The following C11orf58 variants were observed in gnomAD, a reference collection of about 807,000 sequenced individuals.
C11orf58 encodes the protein small acidic protein.
C11orf58 carries 5 observed loss-of-function variants against 22.7 expected under a neutral mutation model. The observed-to-expected ratio is 0.22, with a 90% CI of 0.12 to 0.46. The LOEUF is 0.46. Ranked by LOEUF, C11orf58 falls within the 20% of genes least tolerant of loss-of-function variation. C11orf58 has a pLI of 0.99. For missense variants in C11orf58, 151 were observed against 223.3 expected (o/e 0.68, Z 2.06); for synonymous variants, 71 against 70.7 (o/e 1.00, Z -0.02).
chr11:16,741,855 TC>T (rs1416905357), intron 1 of C11orf58, among the ~76,000 whole-genome samples: 1 of 152,216 alleles, frequency 6.6e-6, no homozygotes, highest in Non-Finnish European at 1.5e-5. Context: ...GCTCAAAGCT[TC>T]CATTGAGTCT....
intron 1 of C11orf58, 95 bp from the exon 2 acceptor site, chr11:16,744,506 C>A: frequency 2.2e-6 from 2 of 920,534 alleles, no homozygotes; most frequent in Non-Finnish European, 1.7e-6. Context: ...TTACAACTGA[C>A]AGGGGAAAAA....
rs745932818 is a variant in C11orf58, at chr11:16,752,763, CTAAAG to C, written c.209-19_209-15del. 8.6e-6 allele frequency: 13 copies of C among 1,518,978 alleles called. No homozygotes were observed. In the Admixed American group the frequency reaches 2.3e-4, roughly 27 times the overall value. 94.1% of individuals were successfully genotyped at this position (1,518,978 alleles called of 1,614,324 possible). On this transcript the variant is annotated splice_polypyrimidine_tract_variant and intron_variant, in intron 3 of 4. Transcript: ENST00000228136. ...AATTATTAATTTGACTGAAACATAA[CTAAAG>C]TATCCTGGACATGCAGGGGAAGAAG...
At chr11:16,749,229 A>G (rs954142999) in intron 3 of C11orf58, 11 of 152,246 alleles carry the variant, frequency 7.2e-5, no homozygotes, top group African/African-American at 2.7e-4. Flanking sequence ...GCACATATTA[A>G]TAAAAGACAC....
At position 16,758,015 on chromosome 11, in the gene C11orf58, C is replaced by T. The variant is rs1297010995; in HGVS notation, c.*2911C>T. Among the ~76,000 whole-genome samples, 1 of 152,296 alleles carries T rather than the reference C, an allele frequency of 6.6e-6. No homozygotes were observed. The highest frequency in any genetic ancestry group is 1.5e-5 in the Non-Finnish European group (1 of 68,024). The stretch of plus-strand genomic sequence containing the variant: ...CTACTTACACACAGGGCTTTGGTTC[C>T]ATTACTTGTTTCCACCACAGCCACA... On this transcript the variant is annotated 3_prime_UTR_variant, in exon 5 of 5. Coordinates refer to ENST00000228136, the MANE Select transcript of C11orf58 (RefSeq NM_014267.6).
At chr11:16,754,592 C>G (rs560775482) in intron 4 of C11orf58, among the ~76,000 whole-genome samples, 1 of 65,038 alleles carries the variant, frequency 1.5e-5, no homozygotes, top group African/African-American at 5.7e-5. Flanking sequence ...TTTTAAGAGA[C>G]AGGGTCTCAC....
intron 1 of C11orf58, among the ~76,000 whole-genome samples, chr11:16,742,191 C>T (rs1311924838): frequency 4.6e-5 from 7 of 152,254 alleles, no homozygotes; most frequent in Admixed American, 2.0e-4. Context: ...TTGGTTTTTA[C>T]ACAATTTTTT....
At position 16,738,692 on chromosome 11, in the gene C11orf58, G is replaced by T; in HGVS notation, c.-87G>T. 4.2e-6 allele frequency: 6 copies of T among 1,438,040 alleles called. No homozygotes were observed. Among genetic ancestry groups the T allele is most frequent in the Non-Finnish European group, 5.9e-6 (6 of 1,022,502 alleles). 89.1% of individuals were successfully genotyped at this position (1,438,040 alleles called of 1,614,324 possible). A position where few individuals can be genotyped will look rare whatever the true frequency, so the allele number is the denominator to read the frequency against. On this transcript the variant is annotated 5_prime_UTR_variant, in exon 1 of 5. Transcript: ENST00000228136. Reference sequence around the variant, plus strand: ...CTGCGTTCTGTAGTGGCGCTGCTTGGGCCCTTGGCGGATTGTAAGCTGCTG... The same window carrying T: ...CTGCGTTCTGTAGTGGCGCTGCTTGTGCCCTTGGCGGATTGTAAGCTGCTG...
intron 2 of C11orf58, 159 bp from the exon 3 acceptor site, chr11:16,747,938 C>T: frequency 1.7e-6 from 1 of 590,528 alleles, no homozygotes; most frequent in South Asian, 1.9e-5. Context: ...CCATTCCTAC[C>T]CTTGCTAGAA....
intron 1 of C11orf58, among the ~76,000 whole-genome samples, chr11:16,742,627 G>A (rs1022926387): frequency 6.6e-6 from 1 of 152,134 alleles, no homozygotes; most frequent in Non-Finnish European, 1.5e-5. Context: ...ATGGGTCCAG[G>A]TTGGTACAAA....
At chr11:16,745,475 TAAAG>T (rs775667475) in intron 2 of C11orf58, among the ~76,000 whole-genome samples, 7 of 152,108 alleles carry the variant, frequency 4.6e-5, no homozygotes, top group Non-Finnish European at 8.8e-5. Context: ...ATTCTTACAA[TAAAG>T]AAAAGGAAAT....
At chr11:16,752,440 T>C (rs1183045702) in intron 3 of C11orf58, 5 of 161,196 alleles carry the variant, frequency 3.1e-5, no homozygotes, top group African/African-American at 1.2e-4. Context: ...TGAACAGAAG[T>C]GCCTAGCTTT....
In C11orf58 at chr11:16,754,981, G is replaced by A. The variant is rs1446924535; in HGVS notation, c.429G>A (p.Glu143=). The A allele has an allele frequency of 6.2e-7, 1 of 1,614,142 alleles. No individual in the cohort carries two copies. Among genetic ancestry groups the A allele is most frequent in the Non-Finnish European group, 8.5e-7 (1 of 1,180,024 alleles). The change falls in exon 5 of 5, where the codon GAG becomes GAA. Residue 143 remains glutamate, a synonymous_variant. Coordinates refer to ENST00000228136, the MANE Select transcript of C11orf58 (RefSeq NM_014267.6). ...PDDSESDSES[E]KEESAEELQA... is the part of the protein sequence containing the mutation. ...ATTCTGAAAGCGATTCAGAGTCAGAGAAAGAAGAATCTGCTGAAGAACTCC... is the reference window on the plus strand; with the variant it reads ...ATTCTGAAAGCGATTCAGAGTCAGAAAAAGAAGAATCTGCTGAAGAACTCC...
In C11orf58 at chr11:16,756,549, G is replaced by A. The variant is rs1432700714; in HGVS notation, c.*1445G>A. On this transcript the variant is annotated 3_prime_UTR_variant, in exon 5 of 5. Transcript: ENST00000228136. ...CTCCCAAAGTGCTGGGATTACAGGC[G>A]TGAGCCACCACGCCCAGCCTTGGAG... Among the ~76,000 whole-genome samples the A allele has an allele frequency of 2.0e-5, 3 of 151,466 alleles. No homozygotes were observed. The highest frequency in any genetic ancestry group is 2.1e-4 in the South Asian group (1 of 4,788).
rs558973039 is a variant in C11orf58, at chr11:16,757,475, G to T, written c.*2371G>T. Reference sequence around the variant, plus strand: ...AAAATTCAGGGTTAGAGTAAATTTAGGTCTGTTGGTCCATGTGGCCTGGTT... The same window carrying T: ...AAAATTCAGGGTTAGAGTAAATTTATGTCTGTTGGTCCATGTGGCCTGGTT... On this transcript the variant is annotated 3_prime_UTR_variant, in exon 5 of 5. Transcript: ENST00000228136. Among the ~76,000 whole-genome samples the T allele has an allele frequency of 6.6e-6, 1 of 152,234 alleles. No homozygotes were observed. The highest frequency in any genetic ancestry group is 2.1e-4 in the South Asian group (1 of 4,822).
At chr11:16,744,481 G>A (rs1332776949) in intron 1 of C11orf58, 120 bp from the exon 2 acceptor site, 1 of 709,734 alleles carries the variant, frequency 1.4e-6, no homozygotes, top group African/African-American at 1.8e-5. Flanking sequence ...CAAGAAAAAT[G>A]AACGCTGTTT....
chr11:16,741,001 C>CAGG (rs996867414), intron 1 of C11orf58, among the ~76,000 whole-genome samples: 44 of 150,828 alleles, frequency 2.9e-4, no homozygotes, highest in African/African-American at 1.0e-3. Context: ...GAGGCTGAGG[C>CAGG]AGGAGAATGG....
At chr11:16,754,808 C>T in intron 4 of C11orf58, 63 bp from the exon 5 acceptor site, 2 of 1,586,884 alleles carry the variant, frequency 1.3e-6, no homozygotes, top group Non-Finnish European at 1.7e-6. Context: ...AACTTACGGT[C>T]TTTCTCAGAT....
chr11:16,749,870 T>G (rs1158301136), intron 3 of C11orf58: 1 of 152,234 alleles, frequency 6.6e-6, no homozygotes, highest in African/African-American at 2.4e-5. Flanking sequence ...AGTAACAAGC[T>G]GCATCTAGTG....
intron 1 of C11orf58, among the ~76,000 whole-genome samples, chr11:16,742,968 G>C (rs1022450319): frequency 6.6e-6 from 1 of 151,930 alleles, no homozygotes; most frequent in Non-Finnish European, 1.5e-5. Context: ...ACTTGGGATG[G>C]ATCTGCATTT....
Sources: allele counts gnomAD v4.1 joint callset (sites outside exome capture counted in the v4.1 genomes callset), GRCh38; gene constraint gnomAD v4.1.1; transcripts MANE v1.5; gene names NCBI Gene and HGNC (gene_info 2026-07-23, HGNC 2026-07-21).